Variants in VSTM2L observed in about 807,000 individuals in gnomAD.
VSTM2L encodes V-set and transmembrane domain-containing protein 2-like protein.
VSTM2L carries 9 observed loss-of-function variants against 19.9 expected under a neutral mutation model. The ratio of observed to expected loss-of-function variants is 0.45; its 90% CI spans 0.27 to 0.79. The LOEUF is 0.79. Ranked by LOEUF, VSTM2L falls within the 30% of genes least tolerant of loss-of-function variation. The pLI is 0.15. For missense variants in VSTM2L, 286 were observed against 295.5 expected, an observed-to-expected ratio of 0.97 and a Z score of 0.24; for synonymous variants, 127 against 133.8, an observed-to-expected ratio of 0.95 and a Z score of 0.35.
In VSTM2L at chr20:37,944,367, G is replaced by C; in HGVS notation, c.*114G>C. 5 of 1,278,372 alleles carry C rather than the reference G, an allele frequency of 3.9e-6. No individual in the cohort carries two copies. The highest frequency in any genetic ancestry group is 2.9e-4 in the Middle Eastern group (1 of 3,460). 79.2% of individuals were successfully genotyped at this position (1,278,372 alleles called of 1,614,324 possible). On this transcript the variant is annotated 3_prime_UTR_variant, in exon 4 of 4. Coordinates refer to ENST00000373461, the MANE Select transcript of VSTM2L (RefSeq NM_080607.3). ...CCAGCCGCGCCCCATCCCCGAGGCC[G>C]CCTGTGGCCACCATGTCGGCCCTCT...
At chr20:37,942,600 C>T (rs923144515) in intron 3 of VSTM2L, among the ~76,000 whole-genome samples, 7 of 152,280 alleles carry the variant, frequency 4.6e-5, no homozygotes, top group African/African-American at 9.6e-5. Context: ...CAGAAAAAAA[C>T]GAATCTATGG....
intron 3 of VSTM2L, 43 bp from the exon 4 acceptor site, chr20:37,943,938 C>G (rs1256256007): frequency 4.5e-6 from 4 of 884,348 alleles, no homozygotes; most frequent in African/African-American, 1.8e-5. Context: ...TTCTCCCCCA[C>G]TGTCACTGGA....
chr20:37,940,012 G>A (rs1203162149), intron 3 of VSTM2L, among the ~76,000 whole-genome samples: 1 of 152,170 alleles, frequency 6.6e-6, no homozygotes, highest in Admixed American at 6.5e-5. Flanking sequence ...GCCCCATCTA[G>A]GGGATGGGAG....
intron 3 of VSTM2L, among the ~76,000 whole-genome samples, chr20:37,934,846 C>G (rs6096984): frequency 1.3e-5 from 2 of 151,968 alleles, no homozygotes; most frequent in South Asian, 4.1e-4. Context: ...TTCAAAGCAT[C>G]ATTTGTGCTG....
At chr20:37,911,591 T>C (rs1451884686) in intron 1 of VSTM2L, among the ~76,000 whole-genome samples, 2 of 152,182 alleles carry the variant, frequency 1.3e-5, no homozygotes, top group African/African-American at 4.8e-5. Flanking sequence ...GATGGGGCCT[T>C]CTCTGTCCCC....
At chr20:37,907,099 TTTA>T (rs2072755559) in intron 1 of VSTM2L, among the ~76,000 whole-genome samples, 2 of 152,186 alleles carry the variant, frequency 1.3e-5, no homozygotes, top group South Asian at 2.1e-4. Context: ...GAATGTACAT[TTTA>T]TTATTATTTT....
At chr20:37,923,767 T>TACA in intron 1 of VSTM2L, among the ~76,000 whole-genome samples, 1 of 152,234 alleles carries the variant, frequency 6.6e-6, no homozygotes, top group East Asian at 1.9e-4. Context: ...GGGGCCGGGT[T>TACA]ACAGGCTTCC....
intron 1 of VSTM2L, among the ~76,000 whole-genome samples, chr20:37,922,529 C>T (rs2072857467): frequency 6.6e-6 from 1 of 152,158 alleles, no homozygotes. Flanking sequence ...CCTCTAGCCT[C>T]AGCTCTGCCT....
intron 1 of VSTM2L, among the ~76,000 whole-genome samples, chr20:37,910,933 GAAAA>G (rs1200911169): frequency 3.4e-5 from 5 of 145,210 alleles, no homozygotes; most frequent in Non-Finnish European, 6.0e-5. Context: ...AAAAAAAAAA[GAAAA>G]AGAAGAAGAA....
rs79603015 is a variant in VSTM2L at position 37,936,893 on chromosome 20, C to G, written c.342+3304C>G. On this transcript the variant is annotated intron_variant, in intron 3 of 3. Coordinates refer to ENST00000373461, the MANE Select transcript of VSTM2L (RefSeq NM_080607.3). Reference sequence around the variant, plus strand: ...TTTGTGACTCGTAAAACTCCTATTCCTAGCAAGCGAGCAGGATGTGGGCAA... The same window carrying G: ...TTTGTGACTCGTAAAACTCCTATTCGTAGCAAGCGAGCAGGATGTGGGCAA... Among the ~76,000 whole-genome samples the G allele has an allele frequency of 7.3e-3, 1,110 of 152,056 alleles. 16 individuals carry two copies. Among genetic ancestry groups the G allele is most frequent in the African/African-American group, 0.024 (995 of 41,474 alleles).
chr20:37,903,536 A>G, intron 1 of VSTM2L, 65 bp downstream of exon 1: 2 of 1,351,994 alleles, frequency 1.5e-6, no homozygotes, highest in Non-Finnish European at 1.9e-6. Flanking sequence ...CGCCACTCCA[A>G]CTTGGCCGCC....
In VSTM2L at chr20:37,903,159, G is replaced by C; in HGVS notation, c.-192G>C. Reference sequence around the variant, plus strand: ...GAGGCGGCCGGCTGGGCGTGCGCTCGCTCCCCGAAGCCGGGGCTGGGCCGG... The same window carrying C: ...GAGGCGGCCGGCTGGGCGTGCGCTCCCTCCCCGAAGCCGGGGCTGGGCCGG... On this transcript the variant is annotated 5_prime_UTR_variant, in exon 1 of 4. Transcript: ENST00000373461. 1.4e-6 allele frequency: 1 copy of C among 711,972 alleles called. No individual in the cohort carries two copies. Among genetic ancestry groups the C allele is most frequent in the Non-Finnish European group, 1.9e-6 (1 of 529,738 alleles). 44.1% of individuals were successfully genotyped at this position (711,972 alleles called of 1,614,324 possible).
chr20:37,943,915 C>T (rs888351362), intron 3 of VSTM2L, 66 bp from the exon 4 acceptor site: 4 of 795,856 alleles, frequency 5.0e-6, no homozygotes, highest in East Asian at 3.7e-5. Context: ...GGGACCCCCC[C>T]CCCCGACTCT....
intron 1 of VSTM2L, among the ~76,000 whole-genome samples, chr20:37,909,780 C>G (rs2072769730): frequency 6.6e-6 from 1 of 152,174 alleles, no homozygotes; most frequent in Non-Finnish European, 1.5e-5. Context: ...TCTCCCCTGA[C>G]CCTGATGAGG....
intron 1 of VSTM2L, among the ~76,000 whole-genome samples, chr20:37,907,043 A>C (rs1008384444): frequency 2.1e-4 from 32 of 152,210 alleles, no homozygotes; most frequent in African/African-American, 7.5e-4. Context: ...TTTACAATGC[A>C]GATCCCCCAA....
intron 1 of VSTM2L, among the ~76,000 whole-genome samples, chr20:37,905,512 G>A (rs6021789): frequency 3.3e-5 from 5 of 152,304 alleles, no homozygotes; most frequent in African/African-American, 9.6e-5. Context: ...ACCCTGGAAG[G>A]TCAAGCTAAG....
In VSTM2L at chr20:37,933,580, C is replaced by T. The variant is rs745794090; in HGVS notation, c.333C>T (p.Thr111=). 1.2e-6 allele frequency: 2 copies of T among 1,613,654 alleles called. No individual in the cohort carries two copies. The highest frequency in any genetic ancestry group is 2.2e-5 in the East Asian group (1 of 44,852). ...SQQEDAGKEA[T]KISVVKVVGS... is the part of the protein sequence containing the mutation. ...AGGAAGACGCAGGGAAGGAGGCAAC[C>T]AAAATAAGTGTGAGTTTTGATAATG... is the stretch of plus-strand genomic sequence containing the variant. The change falls in exon 3 of 4, where the codon ACC becomes ACT. Residue 111 remains threonine, a synonymous_variant. Coordinates refer to ENST00000373461, the MANE Select transcript of VSTM2L (RefSeq NM_080607.3).
intron 1 of VSTM2L, among the ~76,000 whole-genome samples, chr20:37,904,958 T>A (rs923169439): frequency 2.6e-5 from 4 of 152,076 alleles, no homozygotes; most frequent in African/African-American, 9.7e-5. Flanking sequence ...GCTAGAGCGG[T>A]GGTAAATAAG....
chr20:37,922,858 A>C (rs1387293073), intron 1 of VSTM2L, among the ~76,000 whole-genome samples: 3 of 151,848 alleles, frequency 2.0e-5, no homozygotes, highest in African/African-American at 7.3e-5. Flanking sequence ...GGAAATGAGC[A>C]CAGAGAAGAG....
Sources: allele counts gnomAD v4.1 joint callset (sites outside exome capture counted in the v4.1 genomes callset), GRCh38; gene constraint gnomAD v4.1.1; transcripts MANE v1.5; gene names NCBI Gene and HGNC (gene_info 2026-07-23, HGNC 2026-07-21).